The following SETBP1 variants were observed in gnomAD, a reference collection of about 807,000 sequenced individuals.
SETBP1 encodes SET binding protein 1.
A neutral mutation model predicts 101.0 loss-of-function variants in SETBP1; 9 were observed. The observed-to-expected ratio is 0.09, with a 90% CI of 0.05 to 0.16. SETBP1 has a LOEUF of 0.16. SETBP1 is among the 10% of genes least tolerant of loss of function. The pLI, the probability that SETBP1 is intolerant of heterozygous loss-of-function variation, is 1.00. For synonymous variants in SETBP1, 818 were observed against 788.5 expected (o/e 1.04, Z -0.63); for missense variants, 1,858 against 2,033.8 (o/e 0.91, Z 1.66).
chr18:44,778,481 A>T (rs1345736360), intron 2 of SETBP1, among the ~76,000 whole-genome samples: 1 of 152,224 alleles, frequency 6.6e-6, no homozygotes, highest in Non-Finnish European at 1.5e-5. Flanking sequence ...CAAATCCTAC[A>T]TATTGTTGAT....
intron 2 of SETBP1, among the ~76,000 whole-genome samples, chr18:44,811,889 G>A (rs967244780): frequency 9.8e-5 from 15 of 152,342 alleles, no homozygotes; most frequent in African/African-American, 3.4e-4. Context: ...AAGGGAGGCA[G>A]TTGGCTTTTC....
intron 2 of SETBP1, among the ~76,000 whole-genome samples, chr18:44,795,914 T>A (rs115907485): frequency 1.3e-4 from 20 of 152,332 alleles, no homozygotes; most frequent in African/African-American, 4.6e-4. Flanking sequence ...TTTACATTGG[T>A]TCCTGTGCTG....
chr18:44,936,032 A>G (rs1429855648), intron 3 of SETBP1, among the ~76,000 whole-genome samples: 1 of 152,218 alleles, frequency 6.6e-6, no homozygotes, highest in Non-Finnish European at 1.5e-5. Flanking sequence ...AATAGCTAAA[A>G]CATTTTTAAA....
intron 2 of SETBP1, among the ~76,000 whole-genome samples, chr18:44,737,514 T>C (rs1006952195): frequency 1.3e-5 from 2 of 152,212 alleles, no homozygotes; most frequent in African/African-American, 2.4e-5. Flanking sequence ...GATTACCTTA[T>C]GAGAAGGCAC....
intron 3 of SETBP1, among the ~76,000 whole-genome samples, chr18:44,925,393 G>A (rs927428390): frequency 6.6e-6 from 1 of 152,086 alleles, no homozygotes; most frequent in African/African-American, 2.4e-5. Flanking sequence ...GAAAAACCAG[G>A]CTGGATAGTC....
intron 1 of SETBP1, among the ~76,000 whole-genome samples, chr18:44,684,450 C>A (rs2068805131): frequency 1.3e-5 from 2 of 152,134 alleles, no homozygotes; most frequent in Non-Finnish European, 2.9e-5. Flanking sequence ...TGATGCCCCC[C>A]TGAGATACAT....
intron 2 of SETBP1, among the ~76,000 whole-genome samples, chr18:44,826,021 A>G (rs1235927227): frequency 6.6e-6 from 1 of 152,220 alleles, no homozygotes; most frequent in Non-Finnish European, 1.5e-5. Flanking sequence ...CGACTTGCAT[A>G]ATACCTGGAA....
At chr18:44,972,049 T>C (rs571145684) in intron 4 of SETBP1, among the ~76,000 whole-genome samples, 13 of 152,248 alleles carry the variant, frequency 8.5e-5, no homozygotes, top group Non-Finnish European at 1.9e-4. Context: ...AATTAATTTT[T>C]GTATAAGGTG....
chr18:44,922,219 G>C (rs2070598497), intron 3 of SETBP1, among the ~76,000 whole-genome samples: 3 of 152,222 alleles, frequency 2.0e-5, no homozygotes, highest in Admixed American at 2.0e-4. Context: ...AGCTCTCCCA[G>C]TATCTCATTT....
chr18:44,842,464 G>A (rs988962105), intron 2 of SETBP1, among the ~76,000 whole-genome samples: 4 of 152,132 alleles, frequency 2.6e-5, no homozygotes, highest in Non-Finnish European at 5.9e-5. Context: ...TGCTCCCTGG[G>A]GACAGCTTTA....
chr18:44,950,405 C>A lies in SETBP1; in HGVS notation c.1065C>A (p.Val355=). 1 of 1,614,084 alleles carries A rather than the reference C, an allele frequency of 6.2e-7. No homozygotes were observed. The highest frequency in any genetic ancestry group is 1.1e-5 in the South Asian group (1 of 91,068). The change falls in exon 4 of 6, where the codon GTC becomes GTA. Residue 355 remains valine (V), a synonymous_variant. Transcript: ENST00000649279. ...QTIPNPDLDW[V]KNAQKAFDNT... is the part of the protein sequence containing the mutation. ...TACCAAACCCAGACCTGGATTGGGTCAAGAATGCCCAGAAAGCATTTGACA... is the reference window on the plus strand; with the variant it reads ...TACCAAACCCAGACCTGGATTGGGTAAAGAATGCCCAGAAAGCATTTGACA...
chr18:44,783,001 G>A (rs1043707914), intron 2 of SETBP1, among the ~76,000 whole-genome samples: 10 of 152,094 alleles, frequency 6.6e-5, no homozygotes, highest in Non-Finnish European at 1.5e-4. Flanking sequence ...TAAACGTCAA[G>A]GATCACTGAA....
At position 44,807,277 on chromosome 18, in the gene SETBP1, G is replaced by A. The variant is rs183347184; in HGVS notation, c.487-61953G>A. ...TTTGCACTGTAGATCTAAAGTTTAC[G>A]GCCACTGATTTCATTTTTCCATCTT... is the stretch of plus-strand genomic sequence containing the variant. On this transcript the variant is annotated intron_variant, in intron 2 of 5. Transcript: ENST00000649279. Among the ~76,000 whole-genome samples, 6 of 151,870 alleles carry A rather than the reference G, an allele frequency of 4.0e-5. No homozygotes were observed. The South Asian group carries it at 6.3e-4, about 16-fold the overall frequency.
chr18:44,966,655 G>A (rs1386171231), intron 4 of SETBP1, among the ~76,000 whole-genome samples: 2 of 152,176 alleles, frequency 1.3e-5, no homozygotes, highest in Non-Finnish European at 2.9e-5. Flanking sequence ...CCAACTGACT[G>A]TTGATCCTTG....
intron 4 of SETBP1, among the ~76,000 whole-genome samples, chr18:45,008,961 A>C (rs2145367126): frequency 6.6e-6 from 1 of 152,314 alleles, no homozygotes; most frequent in Non-Finnish European, 1.5e-5. Flanking sequence ...GTGGAGCAGG[A>C]CATGGTGCCT....
At chr18:44,859,085 G>A (rs2073028910) in intron 2 of SETBP1, among the ~76,000 whole-genome samples, 1 of 151,838 alleles carries the variant, frequency 6.6e-6, no homozygotes, top group African/African-American at 2.4e-5. Flanking sequence ...GGGGGAAGGA[G>A]GGGGAAGGGA....
intron 4 of SETBP1, among the ~76,000 whole-genome samples, chr18:45,020,553 C>T (rs1327409294): frequency 1.3e-4 from 20 of 152,152 alleles, no homozygotes; most frequent in Admixed American, 1.3e-3. Context: ...AGGTGAATTT[C>T]CTACAGTTTA....
chr18:44,950,734 C>T lies in SETBP1; in HGVS notation c.1394C>T (p.Pro465Leu), dbSNP rs745764464. Residue 465 changes from proline (P) to leucine (L), a missense_variant, in exon 4 of 6, where the codon CCT (proline) becomes CTT (leucine). Transcript: ENST00000649279. The stretch of plus-strand genomic sequence containing the variant: ...GGGAATAAGAAGGATCCCCGTGTCC[C>T]TAAGTTGAGTAAAATGATAGAGAAT... The part of the protein sequence containing the change: ...SEGNKKDPRV[P>L]KLSKMIENES... 1.2e-6 allele frequency: 2 copies of T among 1,614,090 alleles called. No individual in the cohort carries two copies. Among genetic ancestry groups the T allele is most frequent in the Non-Finnish European group, 1.7e-6 (2 of 1,180,014 alleles).
At chr18:44,743,092 T>C (rs2070137473) in intron 2 of SETBP1, among the ~76,000 whole-genome samples, 1 of 151,560 alleles carries the variant, frequency 6.6e-6, no homozygotes, top group African/African-American at 2.4e-5. Flanking sequence ...TCTCTCCTCT[T>C]CTCTCTCCTA....
Sources: gnomAD v4.1 joint callset for allele counts (sites outside exome capture counted in the v4.1 genomes callset) on GRCh38, gnomAD v4.1.1 for gene constraint, MANE v1.5 for transcripts, NCBI Gene and HGNC (gene_info 2026-07-23, HGNC 2026-07-21) for gene names.